Variants in TPX2 observed in about 807,000 individuals in gnomAD.
TPX2 encodes the protein targeting protein for Xklp2.
TPX2 carries 21 observed loss-of-function variants against 93.6 expected under a neutral mutation model. The observed-to-expected ratio is 0.22, with a 90% CI of 0.16 to 0.32. The LOEUF is 0.32. Among genes scored for constraint, TPX2 ranks in the 10% least tolerant of loss-of-function variants. The probability of loss-of-function intolerance (pLI) is 1.00; values close to 1 mark genes in which losing one functional copy is unlikely to be tolerated. For synonymous variants in TPX2, 281 were observed against 298.3 expected, an observed-to-expected ratio of 0.94 and a Z score of 0.60; for missense variants, 776 against 871.1, an observed-to-expected ratio of 0.89 and a Z score of 1.37.
At chr20:31,793,805 G>T (rs1484691718) in intron 13 of TPX2, 43 bp from the exon 14 acceptor site, 2 of 1,494,824 alleles carry the variant, frequency 1.3e-6, no homozygotes, top group East Asian at 4.6e-5. Flanking sequence ...GGAAGTTGGA[G>T]AGAGTGAGGA....
intron 16 of TPX2, among the ~76,000 whole-genome samples, chr20:31,798,115 A>G (rs73903647): frequency 0.018 from 2,690 of 152,326 alleles, 83 homozygotes; most frequent in African/African-American, 0.061. Context: ...ATCACTATAT[A>G]GTTTTGTGCA....
intron 4 of TPX2, among the ~76,000 whole-genome samples, chr20:31,764,311 A>T (rs2061911099): frequency 6.6e-6 from 1 of 152,018 alleles, no homozygotes; most frequent in South Asian, 2.1e-4. Flanking sequence ...CTGGGACCAC[A>T]GATGCCACTA....
intron 16 of TPX2, among the ~76,000 whole-genome samples, chr20:31,797,919 G>A (rs546738765): frequency 9.2e-4 from 140 of 152,252 alleles, no homozygotes; most frequent in African/African-American, 3.3e-3. Context: ...GGATTCCACC[G>A]GGTGTGGTGG....
At chr20:31,799,656 A>G (rs1409880167) in intron 17 of TPX2, among the ~76,000 whole-genome samples, 1 of 151,864 alleles carries the variant, frequency 6.6e-6, no homozygotes, top group Non-Finnish European at 1.5e-5. Context: ...TCCCAGCACT[A>G]TGGGAGGCCC....
intron 2 of TPX2, among the ~76,000 whole-genome samples, chr20:31,750,723 T>A (rs2061814612): frequency 6.6e-6 from 1 of 152,086 alleles, no homozygotes; most frequent in East Asian, 1.9e-4. Context: ...ATATGTAACA[T>A]TTGGGTAAGT....
chr20:31,788,213 T>TG (rs933941117), intron 12 of TPX2, among the ~76,000 whole-genome samples: 118 of 152,184 alleles, frequency 7.8e-4, no homozygotes, highest in African/African-American at 2.7e-3. Context: ...GGTCAGGAGT[T>TG]GGAGACCAGC....
chr20:31,778,999 A>G lies in TPX2; in HGVS notation c.1054+15A>G, dbSNP rs569736187. 12 of 1,554,056 alleles carry G rather than the reference A, an allele frequency of 7.7e-6. No homozygotes were observed. The Admixed American group carries it at 2.5e-4, about 32-fold the overall frequency. On this transcript the variant is annotated intron_variant, in intron 10 of 17. Transcript: ENST00000300403. ...GGATGATATTAGTAAGTTTCCTACC[A>G]GTATCACAGTTGGATGGAACCTCTC...
At chr20:31,782,931 CAA>C (rs1320264661) in intron 11 of TPX2, among the ~76,000 whole-genome samples, 4 of 141,188 alleles carry the variant, frequency 2.8e-5, no homozygotes, top group East Asian at 2.2e-4. Flanking sequence ...CACACACACA[CAA>C]AATCTAATCC....
intron 4 of TPX2, among the ~76,000 whole-genome samples, chr20:31,762,558 C>A (rs2061896631): frequency 6.6e-6 from 1 of 152,070 alleles, no homozygotes. Context: ...TGATGTCGGT[C>A]AGGCTGGTCT....
At chr20:31,780,340 C>T (rs2062025750) in intron 10 of TPX2, among the ~76,000 whole-genome samples, 1 of 152,146 alleles carries the variant, frequency 6.6e-6, no homozygotes, top group African/African-American at 2.4e-5. Flanking sequence ...GTGTGAGCCA[C>T]TGCGCCTGGC....
In TPX2 at chr20:31,801,261, T is replaced by A; in HGVS notation, c.*181T>A. 1.8e-6 allele frequency: 1 copy of A among 571,296 alleles called. No individual in the cohort carries two copies. Among genetic ancestry groups the A allele is most frequent in the Non-Finnish European group, 3.1e-6 (1 of 318,756 alleles). 35.4% of individuals were successfully genotyped at this position (571,296 alleles called of 1,614,324 possible). A position where few individuals can be genotyped will look rare whatever the true frequency, so the allele number is the denominator to read the frequency against. Reference sequence around the variant, plus strand: ...TCCAGTTTTGTTGAGAATTGTTTTCTTACATTACTAAGGCTAATAATGAGA... The same window carrying A: ...TCCAGTTTTGTTGAGAATTGTTTTCATACATTACTAAGGCTAATAATGAGA... On this transcript the variant is annotated 3_prime_UTR_variant, in exon 18 of 18. Coordinates refer to ENST00000300403, the MANE Select transcript of TPX2 (RefSeq NM_012112.5).
chr20:31,801,066 C>G lies in TPX2; in HGVS notation c.2230C>G (p.Arg744Gly). ...GCCTGTATCTCCCAAATTCTCCACT[C>G]GATTCCACTGCTAAACTCAGCTGTG... ...TVPVSPKFSTRFHC is the reference protein window; with the variant it reads ...TVPVSPKFSTGFHC Residue 744 changes from arginine to glycine, a missense_variant, in exon 18 of 18, where the codon CGA becomes GGA. Arg to Gly is a moderately radical substitution (Grantham distance 125). Coordinates refer to ENST00000300403, the MANE Select transcript of TPX2 (RefSeq NM_012112.5). 1 of 1,614,108 alleles carries G rather than the reference C, an allele frequency of 6.2e-7. No individual in the cohort carries two copies. The highest frequency in any genetic ancestry group is 8.5e-7 in the Non-Finnish European group (1 of 1,179,970).
chr20:31,756,737 C>T (rs992244338), intron 2 of TPX2, among the ~76,000 whole-genome samples: 7 of 152,056 alleles, frequency 4.6e-5, no homozygotes, highest in African/African-American at 1.7e-4. Flanking sequence ...GATTCTCCTG[C>T]CTCACCCTCC....
At chr20:31,781,661 G>T (rs1181269624) in intron 10 of TPX2, among the ~76,000 whole-genome samples, 1 of 152,034 alleles carries the variant, frequency 6.6e-6, no homozygotes, top group Non-Finnish European at 1.5e-5. Context: ...TATAGGCCTG[G>T]CCAGGCACAG....
intron 3 of TPX2, among the ~76,000 whole-genome samples, chr20:31,759,069 T>C (rs2061870588): frequency 6.6e-6 from 1 of 152,154 alleles, no homozygotes. Flanking sequence ...AGTTTTAATA[T>C]ATTACTTTCC....
At chr20:31,768,420 T>C (rs6089063) in intron 5 of TPX2, among the ~76,000 whole-genome samples, 6 of 145,032 alleles carry the variant, frequency 4.1e-5, no homozygotes, top group Non-Finnish European at 6.2e-5. Context: ...TTTTTTTTTG[T>C]ATTTTTAGTA....
chr20:31,795,259 G>A (rs1215954857), intron 15 of TPX2, among the ~76,000 whole-genome samples: 3 of 152,130 alleles, frequency 2.0e-5, no homozygotes, highest in African/African-American at 7.2e-5. Context: ...TCAGCCTCCC[G>A]AGTAGCTGGG....
intron 2 of TPX2, among the ~76,000 whole-genome samples, chr20:31,744,225 G>A (rs1225110327): frequency 1.5e-5 from 2 of 136,314 alleles, no homozygotes; most frequent in African/African-American, 2.8e-5. Flanking sequence ...GCAATGGCGC[G>A]ATCTCTGGCT....
At chr20:31,783,364 C>T (rs1454177214) in intron 11 of TPX2, among the ~76,000 whole-genome samples, 1 of 152,020 alleles carries the variant, frequency 6.6e-6, no homozygotes. Flanking sequence ...GATTCTCCTG[C>T]CTCAGCCTCC....
Sources: allele counts gnomAD v4.1 joint callset (sites outside exome capture counted in the v4.1 genomes callset), GRCh38; gene constraint gnomAD v4.1.1; transcripts MANE v1.5; gene names NCBI Gene and HGNC (gene_info 2026-07-23, HGNC 2026-07-21).